The following DIP2C variants were observed in gnomAD, a reference collection of about 807,000 sequenced individuals.
DIP2C encodes DIP2 acetate--CoA ligase C (putative), also known as disco-interacting protein 2 homolog C.
A neutral mutation model predicts 192.4 loss-of-function variants in DIP2C; 33 were observed. The ratio of observed to expected loss-of-function variants is 0.17; its 90% CI spans 0.13 to 0.23. The LOEUF is 0.23. Ranked by LOEUF, DIP2C falls within the 10% of genes least tolerant of loss-of-function variation. The probability of loss-of-function intolerance (pLI) is 1.00; values close to 1 mark genes in which losing one functional copy is unlikely to be tolerated. For missense variants in DIP2C, 1,537 were observed against 2,110.1 expected, an observed-to-expected ratio of 0.73 and a Z score of 5.32; for synonymous variants, 979 against 864.1, an observed-to-expected ratio of 1.13 and a Z score of -2.33.
Position 337,049 on chromosome 10 carries a change from GGTGTGT to G in DIP2C, c.3584+4144_3584+4149del, listed in dbSNP as rs148004134. Among the ~76,000 whole-genome samples the G allele has an allele frequency of 4.0e-3, 150 of 37,962 alleles. 16 individuals carry two copies. The highest frequency in any genetic ancestry group is 0.028 in the Middle Eastern group (1 of 36). 24.9% of individuals were successfully genotyped at this position (37,962 alleles called of 152,430 possible). A position where few individuals can be genotyped will look rare whatever the true frequency, so the allele number is the denominator to read the frequency against. On this transcript the variant is annotated intron_variant, in intron 29 of 36. Coordinates refer to ENST00000280886, the MANE Select transcript of DIP2C (RefSeq NM_014974.3). Reference sequence around the variant, plus strand: ...TGTGTGTGTTGTGGAGGCCTAGACTGGTGTGTGTGTGTGTGTGTGTGTGTTGTGGAG... The same window carrying G: ...TGTGTGTGTTGTGGAGGCCTAGACTGGTGTGTGTGTGTGTGTGTTGTGGAG...
At position 393,852 on chromosome 10, in the gene DIP2C, G is replaced by A. The variant is rs538310987; in HGVS notation, c.1261-2989C>T. ...AAAAAAAAAAAAAACAACCCACAAGGAGACATCACCTCACATTTCTTGCAC... is the reference window on the plus strand; with the variant it reads ...AAAAAAAAAAAAAACAACCCACAAGAAGACATCACCTCACATTTCTTGCAC... On this transcript the variant is annotated intron_variant, in intron 10 of 36. Coordinates refer to ENST00000280886, the MANE Select transcript of DIP2C (RefSeq NM_014974.3). 6.8e-5 allele frequency among the ~76,000 whole-genome samples: 10 copies of A among 146,016 alleles called. No homozygotes were observed. In the East Asian group the frequency reaches 1.0e-3, roughly 15 times the overall value.
intron 1 of DIP2C, among the ~76,000 whole-genome samples, chr10:514,585 G>A (rs559353525): frequency 1.3e-5 from 2 of 152,164 alleles, no homozygotes; most frequent in African/African-American, 2.4e-5. Context: ...TCCAAGGACC[G>A]CGGGTTCCAG....
At chr10:600,830 C>T (rs567604821) in intron 1 of DIP2C, among the ~76,000 whole-genome samples, 146 of 152,304 alleles carry the variant, frequency 9.6e-4, no homozygotes, top group Middle Eastern at 3.4e-3. Flanking sequence ...CACGTCTCAA[C>T]CATAAGAGAA....
At chr10:304,371 T>C (rs1017211869) in intron 32 of DIP2C, among the ~76,000 whole-genome samples, 2 of 152,142 alleles carry the variant, frequency 1.3e-5, no homozygotes, top group Non-Finnish European at 2.9e-5. Context: ...TGGTCTGTCA[T>C]TGACAGAAAC....
At chr10:378,374 AAC>A (rs1258808299) in intron 17 of DIP2C, among the ~76,000 whole-genome samples, 1 of 152,198 alleles carries the variant, frequency 6.6e-6, no homozygotes, top group Non-Finnish European at 1.5e-5. Flanking sequence ...CATCAACACA[AAC>A]ACGAAAACAG....
At chr10:582,163 A>G (rs149352263) in intron 1 of DIP2C, among the ~76,000 whole-genome samples, 218 of 152,274 alleles carry the variant, frequency 1.4e-3, no homozygotes, top group African/African-American at 4.7e-3. Flanking sequence ...CCTGCTACAA[A>G]AACCCGGTTC....
chr10:345,220 C>T (rs937411365), intron 26 of DIP2C, 110 bp from the exon 27 acceptor site: 43 of 1,096,050 alleles, frequency 3.9e-5, no homozygotes, highest in African/African-American at 1.1e-4. Flanking sequence ...GTAGCTTTAA[C>T]GGGCAGATGA....
At chr10:292,097 C>T (rs1018173373) in intron 32 of DIP2C, among the ~76,000 whole-genome samples, 4 of 152,266 alleles carry the variant, frequency 2.6e-5, no homozygotes, top group Non-Finnish European at 4.4e-5. Flanking sequence ...GAGCACCTGC[C>T]GCTCAGGTCA....
chr10:598,945 T>C (rs1851887201), intron 1 of DIP2C, among the ~76,000 whole-genome samples: 1 of 152,228 alleles, frequency 6.6e-6, no homozygotes, highest in Non-Finnish European at 1.5e-5. Context: ...GGAACATCCT[T>C]CCAACAACGA....
intron 1 of DIP2C, among the ~76,000 whole-genome samples, chr10:508,393 C>A (rs1845777104): frequency 6.6e-6 from 1 of 152,194 alleles, no homozygotes; most frequent in South Asian, 2.1e-4. Context: ...AGCGTTAATG[C>A]CCCCATCCTC....
intron 32 of DIP2C, among the ~76,000 whole-genome samples, chr10:298,963 T>C (rs778497466): frequency 1.3e-5 from 2 of 152,216 alleles, no homozygotes; most frequent in Non-Finnish European, 2.9e-5. Context: ...ACTTGAAAAA[T>C]AATTATAGAT....
chr10:286,239 A>C, intron 34 of DIP2C, 34 bp downstream of exon 34: 1 of 1,609,598 alleles, frequency 6.2e-7, no homozygotes, highest in African/African-American at 1.3e-5. Flanking sequence ...CATAACAGAA[A>C]AGTAACCTGG....
intron 3 of DIP2C, among the ~76,000 whole-genome samples, chr10:464,003 T>C (rs1311378685): frequency 1.3e-5 from 2 of 152,048 alleles, no homozygotes; most frequent in South Asian, 4.1e-4. Flanking sequence ...CTCAAATTGG[T>C]TTAAAAACTT....
At chr10:566,665 T>G (rs899437053) in intron 1 of DIP2C, among the ~76,000 whole-genome samples, 1 of 152,244 alleles carries the variant, frequency 6.6e-6, no homozygotes, top group African/African-American at 2.4e-5. Context: ...TGGCCAAGAT[T>G]TCTTGGGTCT....
rs28709092 is a variant in DIP2C at position 548,213 on chromosome 10, C to A, written c.86-61683G>T. Among the ~76,000 whole-genome samples, 9 of 100,208 alleles carry A rather than the reference C, an allele frequency of 9.0e-5. 1 individual carries two copies. The highest frequency in any genetic ancestry group is 1.1e-4 in the African/African-American group (3 of 27,212). The allele number at this position is 100,208 out of a possible 152,430, so 65.7% of individuals were successfully genotyped here. A position where few individuals can be genotyped will look rare whatever the true frequency, so the allele number is the denominator to read the frequency against. ...AATTCACACGAGTCTGCCCCACCCC[C>A]CCCCCCACAGGAAAGCCCTGGTGGT... On this transcript the variant is annotated intron_variant, in intron 1 of 36. Coordinates refer to ENST00000280886, the MANE Select transcript of DIP2C (RefSeq NM_014974.3).
At chr10:575,234 T>C (rs1455568262) in intron 1 of DIP2C, among the ~76,000 whole-genome samples, 6 of 152,134 alleles carry the variant, frequency 3.9e-5, no homozygotes, top group Non-Finnish European at 7.4e-5. Context: ...CAAAGTTTAT[T>C]GTGAGTACAA....
intron 1 of DIP2C, among the ~76,000 whole-genome samples, chr10:512,821 G>A (rs1027943879): frequency 7.3e-5 from 11 of 150,586 alleles, no homozygotes; most frequent in African/African-American, 2.7e-4. Context: ...GGCTGAGGGA[G>A]GAGAATCACT....
At chr10:305,451 T>A (rs1262769050) in intron 32 of DIP2C, among the ~76,000 whole-genome samples, 2 of 152,208 alleles carry the variant, frequency 1.3e-5, no homozygotes, top group Non-Finnish European at 2.9e-5. Flanking sequence ...GATGTACTTC[T>A]ATTCTGTGGC....
chr10:489,596 G>A (rs1233344245), intron 1 of DIP2C, among the ~76,000 whole-genome samples: 1 of 151,866 alleles, frequency 6.6e-6, no homozygotes, highest in African/African-American at 2.4e-5. Context: ...TCACACTAGG[G>A]ACACAGTGGC....
Sources: gnomAD v4.1 joint callset for allele counts (sites outside exome capture counted in the v4.1 genomes callset) on GRCh38, gnomAD v4.1.1 for gene constraint, MANE v1.5 for transcripts, NCBI Gene and HGNC (gene_info 2026-07-23, HGNC 2026-07-21) for gene names.